The following DDX43 variants were observed in gnomAD, a reference collection of about 807,000 sequenced individuals.
The protein encoded by DDX43 is DEAD-box helicase 43, also known as probable ATP-dependent RNA helicase DDX43.
DDX43 carries 50 observed loss-of-function variants against 84.9 expected under a neutral mutation model. The observed-to-expected ratio is 0.59, with a 90% CI of 0.47 to 0.75. The LOEUF is 0.75. Among genes scored for constraint, DDX43 ranks in the 30% least tolerant of loss-of-function variants. The pLI is 0.00. For synonymous variants in DDX43, 291 were observed against 266.3 expected (o/e 1.09, Z -0.90); for missense variants, 689 against 798.6 (o/e 0.86, Z 1.65).
chr6:73,404,700 A>G lies in DDX43; in HGVS notation c.579A>G (p.Pro193=), dbSNP rs751554523. 6.2e-7 allele frequency: 1 copy of G among 1,611,598 alleles called. No homozygotes were observed. Among genetic ancestry groups the G allele is most frequent in the South Asian group, 1.1e-5 (1 of 90,188 alleles). Residue 193 remains proline, a synonymous_variant, in exon 5 of 17, where the codon CCA becomes CCG. Transcript: ENST00000370336. ...TCGCCTTTGTCCCAGATTTACCACC[A>G]ATTAAGAAAAACTTTTATAAAGAGT... The part of the protein sequence containing the change: ...WQKTKWADLP[P]IKKNFYKEST...
At chr6:73,404,617 T>G in intron 4 of DDX43, 73 bp from the exon 5 acceptor site, 2 of 1,118,798 alleles carry the variant, frequency 1.8e-6, no homozygotes, top group Non-Finnish European at 2.7e-6. Flanking sequence ...TGTAGTATGA[T>G]TTCTGTAGCT....
rs1582635870 is a variant in DDX43 at position 73,401,322 on chromosome 6, A to G, written c.437-537A>G. ...ATAATATCTGCTTCCCAGGACTATT[A>G]TTCTAACGACTGAGTAATGGGTATG... On this transcript the variant is annotated intron_variant, in intron 3 of 16. Coordinates refer to ENST00000370336, the MANE Select transcript of DDX43 (RefSeq NM_018665.3). Among the ~76,000 whole-genome samples, 5 of 152,348 alleles carry G rather than the reference A, an allele frequency of 3.3e-5. No homozygotes were observed. The Middle Eastern group carries it at 0.014, about 415-fold the overall frequency.
At chr6:73,395,809 G>C (rs934801566) in intron 1 of DDX43, among the ~76,000 whole-genome samples, 1 of 152,006 alleles carries the variant, frequency 6.6e-6, no homozygotes, top group Admixed American at 6.6e-5. Flanking sequence ...GTACCATTTA[G>C]AGCCAGAAAT....
intron 7 of DDX43, among the ~76,000 whole-genome samples, chr6:73,407,193 C>CT (rs1769702404): frequency 6.6e-6 from 1 of 152,160 alleles, no homozygotes; most frequent in Non-Finnish European, 1.5e-5. Flanking sequence ...TCCTGGCTTA[C>CT]TGCAACCTCC....
At position 73,405,890 on chromosome 6, in the gene DDX43, A is replaced by T. The variant is rs114075598; in HGVS notation, c.807+55A>T. The T allele has an allele frequency of 4.5e-3, 6,912 of 1,527,348 alleles. 29 individuals carry two copies. The highest frequency in any genetic ancestry group is 6.2e-3 in the Middle Eastern group (33 of 5,338). 94.6% of individuals were successfully genotyped at this position (1,527,348 alleles called of 1,614,324 possible). A position where few individuals can be genotyped will look rare whatever the true frequency, so the allele number is the denominator to read the frequency against. ...TCAATGTTTTTCTTCGAAACCAGTG[A>T]TATCTGATTGTTAGAAGACTCCAGG... On this transcript the variant is annotated intron_variant, in intron 6 of 16. Transcript: ENST00000370336.
rs1769578906 is a variant in DDX43, at chr6:73,401,874, C to T, written c.452C>T (p.Pro151Leu). The stretch of plus-strand genomic sequence containing the variant: ...TTTTTAACAGATACTGCATTCCAAC[C>T]TTCTGTTGGAAAAGATGGAAGCACA... ...SECGIDTAFQ[P>L]SVGKDGSTDN... is the part of the protein sequence containing the mutation. The change falls in exon 4 of 17, where the codon CCT becomes CTT. Residue 151 changes from proline (P) to leucine (L), a missense_variant. Pro to Leu is a moderately conservative substitution (Grantham distance 98). Coordinates refer to ENST00000370336, the MANE Select transcript of DDX43 (RefSeq NM_018665.3). 1 of 1,612,952 alleles carries T rather than the reference C, an allele frequency of 6.2e-7. No individual in the cohort carries two copies.
chr6:73,399,278 T>C (rs1022363720), intron 2 of DDX43, among the ~76,000 whole-genome samples: 9 of 152,202 alleles, frequency 5.9e-5, no homozygotes, highest in African/African-American at 1.9e-4. Context: ...AAATTATTTG[T>C]GTCCTTTTCC....
intron 10 of DDX43, among the ~76,000 whole-genome samples, chr6:73,410,045 A>AAT (rs1769755700): frequency 6.6e-6 from 1 of 151,950 alleles, no homozygotes; most frequent in African/African-American, 2.4e-5. Flanking sequence ...AAAAAAAAAA[A>AAT]AGAATGATAT....
In DDX43 at chr6:73,416,204, G is replaced by A; in HGVS notation, c.1925G>A (p.Gly642Glu). 1 of 1,587,266 alleles carries A rather than the reference G, an allele frequency of 6.3e-7. No homozygotes were observed. The highest frequency in any genetic ancestry group is 1.1e-5 in the South Asian group (1 of 90,368). Residue 642 changes from glycine (G) to glutamate (E), a missense_variant, in exon 16 of 17, where the codon GGA (glycine) becomes GAA (glutamate). Physicochemically the swap from Gly to Glu is moderately conservative, Grantham distance 98. Coordinates refer to ENST00000370336, the MANE Select transcript of DDX43 (RefSeq NM_018665.3). ...EMERKMERPQ[G>E]RPKKFH is the part of the protein sequence containing the mutation. Reference sequence around the variant, plus strand: ...GAAAGAAAAATGGAAAGACCTCAAGGAAGGCCCAAGAAGTTTCATTAATGT... The same window carrying A: ...GAAAGAAAAATGGAAAGACCTCAAGAAAGGCCCAAGAAGTTTCATTAATGT...
intron 10 of DDX43, among the ~76,000 whole-genome samples, chr6:73,411,664 G>GT (rs1413791938): frequency 6.6e-6 from 1 of 151,904 alleles, no homozygotes; most frequent in Non-Finnish European, 1.5e-5. Flanking sequence ...AGTTGAAGGT[G>GT]TACAGGTATC....
At position 73,394,895 on chromosome 6, in the gene DDX43, T is replaced by G; in HGVS notation, c.-11T>G. 6.2e-7 allele frequency: 1 copy of G among 1,613,660 alleles called. No homozygotes were observed. Among genetic ancestry groups the G allele is most frequent in the Non-Finnish European group, 8.5e-7 (1 of 1,179,654 alleles). On this transcript the variant is annotated 5_prime_UTR_variant, in exon 1 of 17. Transcript: ENST00000370336. ...ACGGCAACGACGTCGGACGCGCCCCTTCTTGGAACAATGTCCCACCACGGA... is the reference window on the plus strand; with the variant it reads ...ACGGCAACGACGTCGGACGCGCCCCGTCTTGGAACAATGTCCCACCACGGA...
chr6:73,416,578 C>T (rs566889361), intron 16 of DDX43, among the ~76,000 whole-genome samples: 134 of 152,272 alleles, frequency 8.8e-4, no homozygotes, highest in African/African-American at 3.0e-3. Flanking sequence ...ACCTTGAGGA[C>T]ATTATGCTTA....
rs1554236491 is a variant in DDX43 at position 73,416,213 on chromosome 6, A to G, written c.1934A>G (p.Lys645Arg). 1.3e-6 allele frequency: 2 copies of G among 1,579,914 alleles called. No individual in the cohort carries two copies. Among genetic ancestry groups the G allele is most frequent in the African/African-American group, 1.3e-5 (1 of 74,596 alleles). Residue 645 changes from lysine to arginine, a missense_variant, in exon 16 of 17, where the codon AAG becomes AGG. Physicochemically the swap from Lys to Arg is conservative, Grantham distance 26. Coordinates refer to ENST00000370336, the MANE Select transcript of DDX43 (RefSeq NM_018665.3). ...RKMERPQGRP[K>R]KFH is the part of the protein sequence containing the mutation. ...ATGGAAAGACCTCAAGGAAGGCCCA[A>G]GAAGTTTCATTAATGTCTTCTGTAC... is the stretch of plus-strand genomic sequence containing the variant.
At chr6:73,401,764 T>C (rs1343196931) in intron 3 of DDX43, 95 bp from the exon 4 acceptor site, 7 of 1,209,174 alleles carry the variant, frequency 5.8e-6, no homozygotes, top group Non-Finnish European at 7.7e-6. Flanking sequence ...ATCGCGCCAC[T>C]GCACTCCAGC....
intron 14 of DDX43, among the ~76,000 whole-genome samples, chr6:73,415,223 A>G (rs1769879361): frequency 6.6e-6 from 1 of 152,058 alleles, no homozygotes; most frequent in Non-Finnish European, 1.5e-5. Flanking sequence ...ACTTGAACCC[A>G]TGAGGCAGAG....
At chr6:73,415,415 G>A in intron 14 of DDX43, 82 bp from the exon 15 acceptor site, 1 of 962,780 alleles carries the variant, frequency 1.0e-6, no homozygotes, top group Non-Finnish European at 1.6e-6. Flanking sequence ...ATACATTCCA[G>A]CTTCTGTGAA....
intron 9 of DDX43, 72 bp from the exon 10 acceptor site, chr6:73,409,176 A>C: frequency 1.8e-6 from 2 of 1,116,168 alleles, no homozygotes; most frequent in Non-Finnish European, 2.7e-6. Flanking sequence ...GTGTTCTACT[A>C]ATAAAGAAAG....
At chr6:73,414,521 C>A (rs775418842) in intron 13 of DDX43, 27 bp from the exon 14 acceptor site, 1 of 1,595,614 alleles carries the variant, frequency 6.3e-7, no homozygotes, top group Non-Finnish European at 8.6e-7. Flanking sequence ...CAGAATGGTT[C>A]AGTGTTCATT....
At position 73,412,434 on chromosome 6, in the gene DDX43, T is replaced by A. The variant is rs1366844206; in HGVS notation, c.1368+142T>A. On this transcript the variant is annotated intron_variant, in intron 11 of 16. Coordinates refer to ENST00000370336, the MANE Select transcript of DDX43 (RefSeq NM_018665.3). ...TAGTTTTAATAGAGCTGTAATACGA[T>A]TATCTCATTTGAAATTTCAATAATC... is the stretch of plus-strand genomic sequence containing the variant. 1.8e-4 allele frequency: 111 copies of A among 625,416 alleles called. 1 individual carries two copies. The highest frequency in any genetic ancestry group is 8.3e-6 in the Non-Finnish European group (3 of 360,690). 38.7% of individuals were successfully genotyped at this position (625,416 alleles called of 1,614,324 possible). A position where few individuals can be genotyped will look rare whatever the true frequency, so the allele number is the denominator to read the frequency against.
Sources: allele counts gnomAD v4.1 joint callset (sites outside exome capture counted in the v4.1 genomes callset), GRCh38; gene constraint gnomAD v4.1.1; transcripts MANE v1.5; gene names NCBI Gene and HGNC (gene_info 2026-07-23, HGNC 2026-07-21).